EBF1: variants seen among roughly 807,000 people sequenced by gnomAD.
EBF1 encodes EBF transcription factor 1, also known as transcription factor COE1.
EBF1 carries 10 observed loss-of-function variants against 68.4 expected under a neutral mutation model. The observed-to-expected ratio is 0.15, with a 90% CI of 0.09 to 0.25. EBF1 has a LOEUF of 0.25. Among genes scored for constraint, EBF1 ranks in the 10% least tolerant of loss-of-function variants. EBF1 has a pLI of 1.00. For missense variants in EBF1, 509 were observed against 794.4 expected (o/e 0.64, Z 4.32); for synonymous variants, 298 against 299.8 (o/e 0.99, Z 0.06).
intron 4 of EBF1, among the ~76,000 whole-genome samples, chr5:159,092,490 T>C (rs1470027778): frequency 6.6e-6 from 1 of 152,144 alleles, no homozygotes; most frequent in African/African-American, 2.4e-5. Context: ...CCCAAAATAG[T>C]CTAATGAGAC....
intron 9 of EBF1, among the ~76,000 whole-genome samples, chr5:158,781,610 C>T (rs182898908): frequency 9.2e-5 from 14 of 152,274 alleles, no homozygotes; most frequent in Non-Finnish European, 1.6e-4. Flanking sequence ...TGTCTCCTGT[C>T]TCAGTTAAAG....
intron 8 of EBF1, among the ~76,000 whole-genome samples, chr5:158,810,589 TG>T (rs1782468696): frequency 6.6e-6 from 1 of 152,150 alleles, no homozygotes; most frequent in Non-Finnish European, 1.5e-5. Flanking sequence ...TCCCCAGAAC[TG>T]TGGATGAAAA....
chr5:158,788,858 A>G (rs188533407), intron 9 of EBF1, among the ~76,000 whole-genome samples: 45 of 152,330 alleles, frequency 3.0e-4, no homozygotes, highest in Non-Finnish European at 5.4e-4. Flanking sequence ...TTTCATAATT[A>G]TCAACATAGA....
At chr5:158,715,666 ATTTC>A (rs1760519103) in intron 11 of EBF1, among the ~76,000 whole-genome samples, 2 of 152,160 alleles carry the variant, frequency 1.3e-5, no homozygotes, top group African/African-American at 4.8e-5. Flanking sequence ...ATCTGAAATC[ATTTC>A]TTTATTTTTT....
chr5:158,866,181 G>A (rs1795831835), intron 6 of EBF1, among the ~76,000 whole-genome samples: 1 of 152,234 alleles, frequency 6.6e-6, no homozygotes, highest in Non-Finnish European at 1.5e-5. Context: ...AGGCAAACCA[G>A]TTGCAGACCT....
At chr5:158,798,171 A>C (rs987297659) in intron 8 of EBF1, among the ~76,000 whole-genome samples, 3 of 152,212 alleles carry the variant, frequency 2.0e-5, no homozygotes, top group African/African-American at 7.2e-5. Context: ...TCAATTCTTA[A>C]TTTATAACTC....
chr5:158,751,099 G>A (rs1347248159), intron 10 of EBF1, among the ~76,000 whole-genome samples: 4 of 151,942 alleles, frequency 2.6e-5, no homozygotes, highest in African/African-American at 4.8e-5. Context: ...CCACAAATAC[G>A]AAGAAAATGT....
At chr5:159,053,432 T>C (rs1194762204) in intron 6 of EBF1, among the ~76,000 whole-genome samples, 1 of 152,234 alleles carries the variant, frequency 6.6e-6, no homozygotes, top group Non-Finnish European at 1.5e-5. Context: ...CAGTCATCTG[T>C]AACCAAGAAA....
chr5:158,992,316 T>A (rs1232892367), intron 6 of EBF1, among the ~76,000 whole-genome samples: 1 of 152,000 alleles, frequency 6.6e-6, no homozygotes. Context: ...TCAATGGCTT[T>A]CCCTAATGAT....
intron 6 of EBF1, among the ~76,000 whole-genome samples, chr5:159,023,296 T>C (rs1767084884): frequency 6.6e-6 from 1 of 152,080 alleles, no homozygotes; most frequent in Non-Finnish European, 1.5e-5. Flanking sequence ...ACATGATAGA[T>C]ACAGCACTAA....
chr5:159,019,413 C>A (rs535337187), intron 6 of EBF1, among the ~76,000 whole-genome samples: 1 of 152,110 alleles, frequency 6.6e-6, no homozygotes, highest in Non-Finnish European at 1.5e-5. Flanking sequence ...ACCTGCATAA[C>A]AGTACTGCAA....
intron 8 of EBF1, among the ~76,000 whole-genome samples, chr5:158,806,416 T>C (rs1225919191): frequency 6.6e-6 from 1 of 152,086 alleles, no homozygotes; most frequent in East Asian, 1.9e-4. Context: ...CCCTTGGCCC[T>C]AAGAAGAGAG....
At chr5:158,699,185 A>C (rs781196626) in intron 15 of EBF1, 43 bp from the exon 16 acceptor site, 1 of 1,570,748 alleles carries the variant, frequency 6.4e-7, no homozygotes, top group South Asian at 1.2e-5. Flanking sequence ...TTTGCGTTCA[A>C]ACTTCTCACT....
rs140097314 is a variant in EBF1, at chr5:158,872,898, C to T, written c.555-32788G>A. On this transcript the variant is annotated intron_variant, in intron 6 of 15. Coordinates refer to ENST00000313708, the MANE Select transcript of EBF1 (RefSeq NM_024007.5). ...TCCCTGGGTGTAGACCAGAAATCTC[C>T]CAGAGCACATTCCCTTTGAATAACA... 1.5e-3 allele frequency among the ~76,000 whole-genome samples: 230 copies of T among 152,128 alleles called. 1 individual carries two copies. The highest frequency in any genetic ancestry group is 5.5e-3 in the African/African-American group (228 of 41,510).
At chr5:158,888,398 T>C (rs924519553) in intron 6 of EBF1, among the ~76,000 whole-genome samples, 1 of 152,108 alleles carries the variant, frequency 6.6e-6, no homozygotes, top group African/African-American at 2.4e-5. Context: ...CTGGGCCAAA[T>C]TGTTCTCAGA....
Position 159,004,701 on chromosome 5 carries a change from CT to C in EBF1, c.554+68694del, listed in dbSNP as rs551441994. On this transcript the variant is annotated intron_variant, in intron 6 of 15. Transcript: ENST00000313708. The stretch of plus-strand genomic sequence containing the variant: ...TAGCTGCCAAGTAGGGAACTGTGCT[CT>C]GGAAGTCTCTGCATCCACTGAATGT... Among the ~76,000 whole-genome samples, 8 of 152,260 alleles carry C rather than the reference CT, an allele frequency of 5.3e-5. 1 individual carries two copies. The South Asian group carries it at 1.7e-3, about 32-fold the overall frequency.
At chr5:158,951,266 G>A (rs1379179295) in intron 6 of EBF1, among the ~76,000 whole-genome samples, 1 of 152,156 alleles carries the variant, frequency 6.6e-6, no homozygotes, top group Non-Finnish European at 1.5e-5. Context: ...CTAAACAGTG[G>A]CTCTATTATA....
chr5:159,093,775 T>C (rs937173941), intron 4 of EBF1, among the ~76,000 whole-genome samples: 4 of 152,116 alleles, frequency 2.6e-5, no homozygotes, highest in African/African-American at 7.2e-5. Flanking sequence ...GTTTAATTCA[T>C]AGAGCGATTA....
At chr5:158,919,038 C>A (rs1469979675) in intron 6 of EBF1, among the ~76,000 whole-genome samples, 1 of 152,154 alleles carries the variant, frequency 6.6e-6, no homozygotes, top group Non-Finnish European at 1.5e-5. Flanking sequence ...TGTTAAAAAT[C>A]ACATTTGGTG....
Sources: allele counts gnomAD v4.1 joint callset (sites outside exome capture counted in the v4.1 genomes callset), GRCh38; gene constraint gnomAD v4.1.1; transcripts MANE v1.5; gene names NCBI Gene and HGNC (gene_info 2026-07-23, HGNC 2026-07-21).